Variants in HUWE1 observed in about 807,000 individuals in gnomAD.
The protein encoded by HUWE1 is HECT, UBA and WWE domain containing E3 ubiquitin protein ligase 1, also known as E3 ubiquitin-protein ligase HUWE1.
HUWE1 carries 18 observed loss-of-function variants against 299.4 expected under a neutral mutation model. The observed-to-expected ratio is 0.06, with a 90% CI of 0.04 to 0.09. The LOEUF is 0.09. Ranked by LOEUF, HUWE1 falls within the 10% of genes least tolerant of loss-of-function variation. The probability of loss-of-function intolerance (pLI) is 1.00; values close to 1 mark genes in which losing one functional copy is unlikely to be tolerated. For missense variants in HUWE1, 1,832 were observed against 3,462.3 expected, an observed-to-expected ratio of 0.53 and a Z score of 11.82; for synonymous variants, 1,317 against 1,286.1, an observed-to-expected ratio of 1.02 and a Z score of -0.51.
At chrX:53,680,663 T>G (rs1304756952) in intron 2 of HUWE1, 1 of 112,256 alleles carries the variant, frequency 8.9e-6, no homozygotes, top group Admixed American at 9.4e-5. Flanking sequence ...TATTTGGTAT[T>G]GTCACTCCTT....
intron 42 of HUWE1, among the ~76,000 whole-genome samples, chrX:53,581,240 T>G (rs2063599064): frequency 1.8e-5 from 2 of 112,198 alleles, no homozygotes. Context: ...AGACTGCATG[T>G]GATCTTTATA....
chrX:53,591,451 C>T (rs2064155724), intron 33 of HUWE1, among the ~76,000 whole-genome samples: 1 of 111,586 alleles, frequency 9.0e-6, no homozygotes, highest in African/African-American at 3.3e-5. Flanking sequence ...TTGGTCCCAA[C>T]TTTCTGGAAA....
At chrX:53,618,882 A>AAC (rs1337979265) in intron 19 of HUWE1, among the ~76,000 whole-genome samples, 1 of 106,120 alleles carries the variant, frequency 9.4e-6, no homozygotes, top group African/African-American at 3.5e-5. Context: ...TAAAAGGGGA[A>AAC]AAAAAAAAAA....
chrX:53,607,879 T>G (rs1474523813), intron 24 of HUWE1, among the ~76,000 whole-genome samples, 180 bp from the exon 25 acceptor site: 1 of 111,482 alleles, frequency 9.0e-6, no homozygotes, highest in African/African-American at 3.3e-5. Context: ...GTAAAGAATA[T>G]CTACAATTTC....
In HUWE1 at chrX:53,631,318, C is replaced by T. The variant is rs1426391020; in HGVS notation, c.762+96G>A. On this transcript the variant is annotated intron_variant, in intron 11 of 83. Transcript: ENST00000262854. ...GCCCATGGTCTGACTCCAAAGCTGA[C>T]ATTCTTTCTGCTATGCAATCTCCCA... 4.3e-6 allele frequency: 3 copies of T among 694,376 alleles called. No homozygotes were observed. In the African/African-American group the frequency reaches 6.5e-5, roughly 15 times the overall value. 57.2% of individuals were successfully genotyped at this position (694,376 alleles called of 1,213,427 possible).
In HUWE1 at chrX:53,627,291, C is replaced by T. The variant is rs150690303; in HGVS notation, c.1489+119G>A. ...TTACATAGAAAAAAAATTTTTGTTG[C>T]TGAAAGTATATACTCAAGTTAATTG... On this transcript the variant is annotated intron_variant, in intron 17 of 83. Transcript: ENST00000262854. 2,216 of 444,462 alleles carry T rather than the reference C, an allele frequency of 5.0e-3. 10 individuals are homozygous for T. The highest frequency in any genetic ancestry group is 0.017 in the Middle Eastern group (45 of 2,606). 36.6% of individuals were successfully genotyped at this position (444,462 alleles called of 1,213,427 possible). A position where few individuals can be genotyped will look rare whatever the true frequency, so the allele number is the denominator to read the frequency against.
At chrX:53,633,999 T>C (rs1450969877) in intron 8 of HUWE1, among the ~76,000 whole-genome samples, 1 of 111,464 alleles carries the variant, frequency 9.0e-6, no homozygotes, top group East Asian at 2.8e-4. Context: ...AAGAACTGGG[T>C]ATGAACACAC....
At chrX:53,666,026 C>T (rs1279831815) in intron 3 of HUWE1, among the ~76,000 whole-genome samples, 6 of 111,818 alleles carry the variant, frequency 5.4e-5, no homozygotes, top group African/African-American at 1.6e-4. Context: ...GAAAAGCCTG[C>T]CTGTATCGAA....
At chrX:53,673,959 A>C (rs1382463689) in intron 3 of HUWE1, among the ~76,000 whole-genome samples, 2 of 111,152 alleles carry the variant, frequency 1.8e-5, no homozygotes, top group Non-Finnish European at 3.8e-5. Flanking sequence ...CATAGTATGT[A>C]CTCTCTTGCA....
intron 17 of HUWE1, among the ~76,000 whole-genome samples, chrX:53,626,216 CGT>C (rs58080331): frequency 0.086 from 8,185 of 94,816 alleles, 972 homozygotes; most frequent in African/African-American, 0.29. Flanking sequence ...CATACATACA[CGT>C]GTGTGTGTGT....
chrX:53,585,165 G>A lies in HUWE1; in HGVS notation c.4848C>T (p.Asn1616=). The A allele has an allele frequency of 2.5e-6, 3 of 1,212,035 alleles. No homozygotes were observed. Among genetic ancestry groups the A allele is most frequent in the Non-Finnish European group, 3.4e-6 (3 of 895,472 alleles). ...MTKYLQSNSN[N]WRWFDDRSGR... is the part of the protein sequence containing the mutation. Reference sequence around the variant, plus strand: ...CAGAGCGATCATCAAACCAGCGCCAGTTGTTGCTGTTGGATTGCAGGTACT... The same window carrying A: ...CAGAGCGATCATCAAACCAGCGCCAATTGTTGCTGTTGGATTGCAGGTACT... The change falls in exon 40 of 84, where the codon AAC becomes AAT. Residue 1616 remains asparagine, a synonymous_variant. Transcript: ENST00000262854.
rs1328816891 is a variant in HUWE1 at position 53,575,657 on chromosome X, C to T, written c.6016G>A (p.Gly2006Ser). 8 of 1,209,775 alleles carry T rather than the reference C, an allele frequency of 6.6e-6. No individual in the cohort carries two copies. The highest frequency in any genetic ancestry group is 3.0e-5 in the East Asian group (1 of 33,788). Residue 2006 changes from glycine to serine, a missense_variant, in exon 45 of 84, where the codon GGT becomes AGT. By Grantham distance (56) the Gly-to-Ser change is moderately conservative. Around this residue, in one of 15 missense-constraint regions of HUWE1, gnomAD observed 157 missense variants for 252.3 expected, o/e 0.62. Coordinates refer to ENST00000262854, the MANE Select transcript of HUWE1 (RefSeq NM_031407.7). ...AATTGACTTACATTAATGGAAAAAC[C>T]TGACTGCGTATCAAAGTCACTGCTC... Reference protein sequence around the residue: ...RQSSDFDTQSGFSINSQVFAA... With the variant: ...RQSSDFDTQSSFSINSQVFAA...
In HUWE1 at chrX:53,592,494, G is replaced by T; in HGVS notation, c.3876C>A (p.Ser1292Arg). ...RGEPVIRERL[S>R]KEKEGSRGEE... The stretch of plus-strand genomic sequence containing the variant: ...CTCCTCGAGACCCCTCCTTCTCCTT[G>T]CTTAGTCTCTCTCGAATCACAGGTT... Residue 1292 changes from serine (S) to arginine (R), a missense_variant, in exon 33 of 84, where the codon AGC becomes AGA. Ser to Arg is a moderately radical substitution (Grantham distance 110). This residue lies in a region of HUWE1 where 658 missense variants were observed against 1,282.6 expected (regional missense o/e 0.51). Coordinates refer to ENST00000262854, the MANE Select transcript of HUWE1 (RefSeq NM_031407.7). 7 of 1,210,379 alleles carry T rather than the reference G, an allele frequency of 5.8e-6. No homozygotes were observed. The highest frequency in any genetic ancestry group is 7.8e-6 in the Non-Finnish European group (7 of 894,692).
Position 53,536,680 on chromosome X carries a change from G to C in HUWE1, c.12138-13C>G. On this transcript the variant is annotated splice_polypyrimidine_tract_variant and intron_variant, in intron 78 of 83. Coordinates refer to ENST00000262854, the MANE Select transcript of HUWE1 (RefSeq NM_031407.7). ...AAATACTATATACCTGCATAAGAAA[G>C]CAGAAGCAGAAAAGAGCTGTGCAGA... 1 of 1,201,504 alleles carries C rather than the reference G, an allele frequency of 8.3e-7. No homozygotes were observed.
chrX:53,595,508 T>C, intron 29 of HUWE1, 105 bp from the exon 30 acceptor site: 1 of 640,113 alleles, frequency 1.6e-6, no homozygotes, highest in Non-Finnish European at 2.5e-6. Context: ...CACTTCCTCC[T>C]ACAACCCCTA....
intron 7 of HUWE1, among the ~76,000 whole-genome samples, chrX:53,634,716 C>CGCACTAGGGAGGAAA (rs1308642009): frequency 8.9e-6 from 1 of 112,676 alleles, no homozygotes; most frequent in African/African-American, 3.2e-5. Context: ...ACTCACCTTC[C>CGCACTAGGGAGGAAA]GCACTAGGGA....
At chrX:53,595,463 A>C in intron 29 of HUWE1, 60 bp from the exon 30 acceptor site, 1 of 890,510 alleles carries the variant, frequency 1.1e-6, no homozygotes. Context: ...TAATTACAAC[A>C]GACATATTAC....
rs2062317430 is a variant in HUWE1, at chrX:53,562,016, C to T, written c.7339-92G>A. 11 of 1,210,888 alleles carry T rather than the reference C, an allele frequency of 9.1e-6. No homozygotes were observed. The Middle Eastern group carries it at 1.5e-3, about 161-fold the overall frequency. On this transcript the variant is annotated intron_variant, in intron 54 of 83. Coordinates refer to ENST00000262854, the MANE Select transcript of HUWE1 (RefSeq NM_031407.7). The stretch of plus-strand genomic sequence containing the variant: ...CACATGTGCACATGAGGGAGGGAGA[C>T]GCTGAGGCTAGCAACCCAGACTGTT...
At chrX:53,583,200 CCCGAG>C (rs2063705397) in intron 42 of HUWE1, among the ~76,000 whole-genome samples, 1 of 109,374 alleles carries the variant, frequency 9.1e-6, no homozygotes, top group Non-Finnish European at 1.9e-5. Flanking sequence ...TGGCTGAACA[CCCGAG>C]AGGTACTCCT....
Sources: gnomAD v4.1 joint callset for allele counts (sites outside exome capture counted in the v4.1 genomes callset) on GRCh38, gnomAD v4.1.1 for gene constraint, gnomAD v4.1.1 regional missense constraint, MANE v1.5 for transcripts, NCBI Gene and HGNC (gene_info 2026-07-23, HGNC 2026-07-21) for gene names.